UBE2D4: variants seen among roughly 807,000 people sequenced by gnomAD.
UBE2D4 encodes ubiquitin-conjugating enzyme E2 D4.
A neutral mutation model predicts 23.0 loss-of-function variants in UBE2D4; 17 were observed. The observed-to-expected ratio is 0.74, with a 90% CI of 0.51 to 1.11. The LOEUF is 1.11. UBE2D4 is among the 50% of genes least tolerant of loss of function. The pLI, the probability that UBE2D4 is intolerant of heterozygous loss-of-function variation, is 0.00. For missense variants in UBE2D4, 139 were observed against 181.8 expected, an observed-to-expected ratio of 0.76 and a Z score of 1.35; for synonymous variants, 61 against 69.4, an observed-to-expected ratio of 0.88 and a Z score of 0.60.
At chr7:43,940,715 C>T (rs1398388075) in intron 2 of UBE2D4, among the ~76,000 whole-genome samples, 1 of 152,124 alleles carries the variant, frequency 6.6e-6, no homozygotes, top group South Asian at 2.1e-4. Context: ...TGCTTAGTGT[C>T]CCAGCAGCCC....
chr7:43,933,013 T>TATATATATATATATATATACAC (rs1340458201), intron 1 of UBE2D4, among the ~76,000 whole-genome samples: 22 of 116,642 alleles, frequency 1.9e-4, no homozygotes, highest in African/African-American at 6.4e-4. Flanking sequence ...TATATATATA[T>TATATATATATATATATATACAC]ACACACACAT....
chr7:43,942,728 T>G, intron 2 of UBE2D4, 98 bp from the exon 3 acceptor site: 3 of 1,552,156 alleles, frequency 1.9e-6, no homozygotes, highest in Non-Finnish European at 1.8e-6. Context: ...GAGTGCATCT[T>G]GTGTAGACAG....
chr7:43,945,183 G>A (rs1360760486), intron 4 of UBE2D4, among the ~76,000 whole-genome samples: 1 of 152,090 alleles, frequency 6.6e-6, no homozygotes, highest in East Asian at 1.9e-4. Context: ...AGTAAAGATG[G>A]GGTTTTGCCA....
At chr7:43,928,120 G>C (rs1187219006) in intron 1 of UBE2D4, 1 of 437,010 alleles carries the variant, frequency 2.3e-6, no homozygotes, top group Non-Finnish European at 4.5e-6. Flanking sequence ...TGGTAAGAGA[G>C]GGAGCAAGAG....
chr7:43,940,773 A>C (rs1047651577), intron 2 of UBE2D4: 1 of 152,246 alleles, frequency 6.6e-6, no homozygotes, highest in African/African-American at 2.4e-5. Flanking sequence ...TTCCGTTCTG[A>C]AATATATTAT....
intron 1 of UBE2D4, among the ~76,000 whole-genome samples, chr7:43,927,588 G>A (rs1277702208): frequency 6.6e-6 from 1 of 152,150 alleles, no homozygotes; most frequent in Non-Finnish European, 1.5e-5. Flanking sequence ...TACAACGTGA[G>A]ACACCATGCC....
At chr7:43,938,546 C>G (rs1316670196) in intron 2 of UBE2D4, 52 bp downstream of exon 2, 1 of 1,572,890 alleles carries the variant, frequency 6.4e-7, no homozygotes, top group African/African-American at 1.4e-5. Flanking sequence ...TTAAGACCCC[C>G]CAACTTAGGC....
chr7:43,934,868 A>G (rs1186896096), intron 1 of UBE2D4, among the ~76,000 whole-genome samples: 2 of 152,242 alleles, frequency 1.3e-5, no homozygotes, highest in Non-Finnish European at 2.9e-5. Flanking sequence ...TAACTGCTCT[A>G]GAGCATTAAC....
Position 43,953,009 on chromosome 7 carries a change from G to A in UBE2D4, c.*314G>A, listed in dbSNP as rs900776985. 9 of 403,004 alleles carry A rather than the reference G, an allele frequency of 2.2e-5. No homozygotes were observed. The highest frequency in any genetic ancestry group is 6.2e-5 in the African/African-American group (3 of 48,500). The allele number at this position is 403,004 out of a possible 1,614,324, so 25.0% of individuals were successfully genotyped here. Reference sequence around the variant, plus strand: ...TCTCTTGGGGGGCCAGGCCCTGCACGTCTCTCCTACCCGGCCTCAAATGGT... The same window carrying A: ...TCTCTTGGGGGGCCAGGCCCTGCACATCTCTCCTACCCGGCCTCAAATGGT... On this transcript the variant is annotated 3_prime_UTR_variant, in exon 7 of 7. Transcript: ENST00000222402.
Position 43,938,440 on chromosome 7 carries a change from G to T in UBE2D4, c.34G>T (p.Asp12Tyr), listed in dbSNP as rs771321233. 6.2e-7 allele frequency: 1 copy of T among 1,614,042 alleles called. No individual in the cohort carries two copies. Among genetic ancestry groups the T allele is most frequent in the Admixed American group, 1.7e-5 (1 of 59,998 alleles). Residue 12 changes from aspartate to tyrosine, a missense_variant, in exon 2 of 7, where the codon GAC becomes TAC. By Grantham distance (160) the Asp-to-Tyr change is radical. Coordinates refer to ENST00000222402, the MANE Select transcript of UBE2D4 (RefSeq NM_015983.4). ...CTCTCTCATGTTCTAGGAATTAACC[G>T]ACTTGCAGAGGGATCCTCCTGCCCA... is the stretch of plus-strand genomic sequence containing the variant. ...ALKRIQKELT[D>Y]LQRDPPAQCS...
intron 4 of UBE2D4, chr7:43,946,437 T>C (rs900473015): frequency 1.3e-5 from 2 of 152,186 alleles, no homozygotes; most frequent in Admixed American, 1.3e-4. Flanking sequence ...GCCTTTTTTT[T>C]CCATAAGGCA....
Position 43,948,654 on chromosome 7 carries a change from A to G in UBE2D4, c.221A>G (p.Tyr74Cys), listed in dbSNP as rs758632713. The G allele has an allele frequency of 1.9e-6, 3 of 1,608,908 alleles. No individual in the cohort carries two copies. The highest frequency in any genetic ancestry group is 1.7e-5 in the Admixed American group (1 of 59,618). Residue 74 changes from tyrosine (Y) to cysteine (C), a missense_variant, in exon 5 of 7, where the codon TAT (tyrosine) becomes TGT (cysteine). Coordinates refer to ENST00000222402, the MANE Select transcript of UBE2D4 (RefSeq NM_015983.4). ...PPKVAFTTKI[Y>C]HPNINSNGSI... ...CAGGTTGCTTTCACAACCAAAATTT[A>G]TCACCCTAATATCAACAGCAATGGC...
At chr7:43,927,216 AT>A (rs1377703928) in intron 1 of UBE2D4, among the ~76,000 whole-genome samples, 1 of 151,828 alleles carries the variant, frequency 6.6e-6, no homozygotes, top group Non-Finnish European at 1.5e-5. Flanking sequence ...TTTTTTCTAT[AT>A]TTAAAACAAT....
At chr7:43,931,903 G>T (rs189758399) in intron 1 of UBE2D4, among the ~76,000 whole-genome samples, 13 of 152,134 alleles carry the variant, frequency 8.5e-5, no homozygotes, top group Admixed American at 2.6e-4. Context: ...TGCCAGGCTG[G>T]TCTTGAACTC....
chr7:43,932,951 C>T (rs1447025846), intron 1 of UBE2D4, among the ~76,000 whole-genome samples: 5 of 143,500 alleles, frequency 3.5e-5, no homozygotes, highest in African/African-American at 1.3e-4. Context: ...TGTGTGCCAT[C>T]CAGTTCCCCT....
Position 43,944,626 on chromosome 7 carries a change from T to G in UBE2D4, c.198+1595T>G, listed in dbSNP as rs962719415. The G allele has an allele frequency of 1.3e-5, 2 of 152,214 alleles. No individual in the cohort carries two copies. The highest frequency in any genetic ancestry group is 4.8e-5 in the African/African-American group (2 of 41,442). The allele number at this position is 152,214 out of a possible 1,614,324, so 9.4% of individuals were successfully genotyped here. ...CATTTTAAATCTTTGTTAAATATGC[T>G]TAGGATCCCAGAGACCTTTTAAGCT... On this transcript the variant is annotated intron_variant, in intron 4 of 6. Transcript: ENST00000222402. This position sits in a 1 kb window ranked among gnomAD's most constrained non-coding sequence, Gnocchi z 4.0.
chr7:43,942,786 G>A, intron 2 of UBE2D4, 40 bp from the exon 3 acceptor site: 1 of 1,613,538 alleles, frequency 6.2e-7, no homozygotes, highest in South Asian at 1.1e-5. Flanking sequence ...CATGTTTCTT[G>A]GGGGGTCTCT....
intron 4 of UBE2D4, 79 bp from the exon 5 acceptor site, chr7:43,948,553 G>A: frequency 3.2e-6 from 3 of 936,326 alleles, no homozygotes; most frequent in Non-Finnish European, 1.7e-6. Flanking sequence ...CTGCCCAGCA[G>A]CAGCTGCTTC....
chr7:43,951,821 C>T (rs2096003116), intron 6 of UBE2D4: 1 of 152,176 alleles, frequency 6.6e-6, no homozygotes, highest in Non-Finnish European at 1.5e-5. Flanking sequence ...CCACACTCAG[C>T]CACATGTTTT....
Sources: gnomAD v4.1 joint callset for allele counts (sites outside exome capture counted in the v4.1 genomes callset) on GRCh38, gnomAD v4.1.1 for gene constraint, Gnocchi (gnomAD v3.1) non-coding constraint, MANE v1.5 for transcripts, NCBI Gene and HGNC (gene_info 2026-07-23, HGNC 2026-07-21) for gene names.